Variants in TDRD12 observed in about 807,000 individuals in gnomAD.
The protein encoded by TDRD12 is putative ATP-dependent RNA helicase TDRD12.
In TDRD12, 158 loss-of-function variants were observed where a neutral mutation model predicts 133.5. That is an observed-to-expected ratio of 1.18 (90% CI 1.04 to 1.35). TDRD12 has a LOEUF of 1.35. Among genes scored for constraint, TDRD12 ranks in the 40% most tolerant of loss-of-function variants. The pLI is 0.00. For synonymous variants in TDRD12, 460 were observed against 477.9 expected, an observed-to-expected ratio of 0.96 and a Z score of 0.49; for missense variants, 1,443 against 1,321.3, an observed-to-expected ratio of 1.09 and a Z score of -1.43.
At position 32,746,889 on chromosome 19, in the gene TDRD12, T is replaced by A. The variant is rs1232297883; in HGVS notation, c.441-1587T>A. The stretch of plus-strand genomic sequence containing the variant: ...TGTGGTTATTCTGTGTGTGTGTGTG[T>A]GAGAGAGAGAGAGAGAGAGGGAGAG... On this transcript the variant is annotated intron_variant, in intron 4 of 27. Transcript: ENST00000444215. Among the ~76,000 whole-genome samples the A allele has an allele frequency of 1.9e-3, 260 of 134,912 alleles. 6 individuals are homozygous for A. Among genetic ancestry groups the A allele is most frequent in the South Asian group, 0.016 (64 of 4,100 alleles). The allele number at this position is 134,912 out of a possible 152,430, so 88.5% of individuals were successfully genotyped here.
At chr19:32,768,354 A>G (rs1970354903) in intron 8 of TDRD12, among the ~76,000 whole-genome samples, 1 of 149,668 alleles carries the variant, frequency 6.7e-6, no homozygotes, top group Non-Finnish European at 1.5e-5. Flanking sequence ...ATTTCCCTTC[A>G]TATTTATCAT....
chr19:32,749,647 T>C, intron 5 of TDRD12, 137 bp from the exon 6 acceptor site: 2 of 603,718 alleles, frequency 3.3e-6, no homozygotes, highest in South Asian at 2.3e-5. Flanking sequence ...CCTAACATGC[T>C]CCCCCTGGTC....
chr19:32,814,815 A>G (rs2145739199), intron 25 of TDRD12, among the ~76,000 whole-genome samples: 1 of 152,206 alleles, frequency 6.6e-6, no homozygotes, highest in South Asian at 2.1e-4. Context: ...TCCCCGGTGG[A>G]CACACATTCC....
chr19:32,760,491 C>G (rs546866223), intron 8 of TDRD12, among the ~76,000 whole-genome samples: 6 of 152,174 alleles, frequency 3.9e-5, no homozygotes, highest in Non-Finnish European at 8.8e-5. Flanking sequence ...TAAACAATCA[C>G]ATATTACAGA....
chr19:32,794,651 G>T (rs548172174), exon 14 of TDRD12: 2 of 702,462 alleles, frequency 2.8e-6, no homozygotes, highest in Admixed American at 4.0e-5. Context: ...ATAAGTTTCC[G>T]GGCCCCAGCC....
chr19:32,720,150 C>G (rs369906954), intron 1 of TDRD12, 54 bp downstream of exon 1: 1 of 1,524,956 alleles, frequency 6.6e-7, no homozygotes. Flanking sequence ...CCCACCCCCA[C>G]CCCAGCCGCG....
chr19:32,772,156 G>A (rs1047258511), intron 8 of TDRD12, among the ~76,000 whole-genome samples: 2 of 152,174 alleles, frequency 1.3e-5, no homozygotes, highest in African/African-American at 2.4e-5. Flanking sequence ...ACTCAGGCAC[G>A]TTCTGGCAGT....
At chr19:32,735,991 G>A (rs866464206) in intron 2 of TDRD12, among the ~76,000 whole-genome samples, 2 of 151,874 alleles carry the variant, frequency 1.3e-5, no homozygotes, top group Non-Finnish European at 2.9e-5. Context: ...AGGAGAAGTC[G>A]GTGTCTTTAA....
At chr19:32,807,418 A>T (rs1287518645) in intron 21 of TDRD12, 131 bp from the exon 22 acceptor site, 2 of 496,482 alleles carry the variant, frequency 4.0e-6, no homozygotes, top group Non-Finnish European at 6.9e-6. Flanking sequence ...TAATGTGGTT[A>T]TTCAGTCTTT....
intron 1 of TDRD12, among the ~76,000 whole-genome samples, chr19:32,731,428 A>G (rs1460062607): frequency 6.6e-6 from 1 of 152,120 alleles, no homozygotes; most frequent in East Asian, 1.9e-4. Context: ...TTAACAAACA[A>G]AAGTACTAAA....
intron 1 of TDRD12, among the ~76,000 whole-genome samples, chr19:32,726,625 C>T (rs931184189): frequency 5.3e-5 from 8 of 151,882 alleles, no homozygotes; most frequent in African/African-American, 1.9e-4. Context: ...GTGATGTGAA[C>T]GTGAGGACCC....
intron 21 of TDRD12, among the ~76,000 whole-genome samples, chr19:32,805,859 G>A (rs1971533715): frequency 6.6e-6 from 1 of 150,892 alleles, no homozygotes; most frequent in South Asian, 2.1e-4. Context: ...AGCTTCCTGA[G>A]TAACTGGGAC....
chr19:32,809,122 G>C (rs1382753964), intron 22 of TDRD12, among the ~76,000 whole-genome samples: 1 of 151,166 alleles, frequency 6.6e-6, no homozygotes, highest in African/African-American at 2.4e-5. Flanking sequence ...TTTATGTGCT[G>C]TGTAAAATGA....
downstream of TDRD12, chr19:32,826,209 A>G: frequency 6.6e-7 from 1 of 1,508,956 alleles, no homozygotes. Context: ...CCCAGTTAAT[A>G]AGATCAATGA....
exon 25 of TDRD12, chr19:32,813,700 A>C: frequency 2.0e-6 from 3 of 1,532,068 alleles, no homozygotes; most frequent in Non-Finnish European, 2.6e-6. Context: ...AGGTACATTC[A>C]TCATAAAATT....
chr19:32,789,812 A>G (rs1415797593), intron 11 of TDRD12, among the ~76,000 whole-genome samples: 2 of 152,080 alleles, frequency 1.3e-5, no homozygotes, highest in African/African-American at 2.4e-5. Context: ...ACCAGCCTGG[A>G]CAACAATGGT....
At chr19:32,803,062 C>T (rs368292927) in exon 21 of TDRD12, 5 of 1,535,900 alleles carry the variant, frequency 3.3e-6, no homozygotes, top group African/African-American at 2.7e-5. Flanking sequence ...ACGAGTTCAC[C>T]GCAGGAGTTC....
At position 32,802,734 on chromosome 19, in the gene TDRD12, CA is replaced by C. The variant is rs1971435901; in HGVS notation, c.2280del (p.Val761PhefsTer34). On this transcript the variant is annotated frameshift_variant, in exon 20 of 28. Transcript: ENST00000444215. LOFTEE classifies it high-confidence loss of function. Reference sequence around the variant, plus strand: ...ATTCACTTCAGTTTCCCTGCCTCACCAAAAGTTTTTGGTGGACGCCTGTATT... The same window carrying C: ...ATTCACTTCAGTTTCCCTGCCTCACCAAAGTTTTTGGTGGACGCCTGTATT... 6.5e-7 allele frequency: 1 copy of C among 1,536,532 alleles called. No homozygotes were observed. The highest frequency in any genetic ancestry group is 8.7e-7 in the Non-Finnish European group (1 of 1,146,992).
chr19:32,793,506 G>A (rs1266100452), intron 13 of TDRD12, among the ~76,000 whole-genome samples: 2 of 152,168 alleles, frequency 1.3e-5, no homozygotes, highest in African/African-American at 4.8e-5. Flanking sequence ...CTCAGGACTC[G>A]AGAGGACCTC....
Sources: gnomAD v4.1 joint callset for allele counts (sites outside exome capture counted in the v4.1 genomes callset) on GRCh38, gnomAD v4.1.1 for gene constraint, MANE v1.5 for transcripts, NCBI Gene and HGNC (gene_info 2026-07-23, HGNC 2026-07-21) for gene names.